ARV1: variants seen among roughly 807,000 people sequenced by gnomAD.
ARV1 encodes the protein protein ARV1.
ARV1 carries 26 observed loss-of-function variants against 31.1 expected under a neutral mutation model. The ratio of observed to expected loss-of-function variants is 0.84; its 90% CI spans 0.61 to 1.16. The LOEUF is 1.16. Among genes scored for constraint, ARV1 ranks in the 50% most tolerant of loss-of-function variants. The pLI, the probability that ARV1 is intolerant of heterozygous loss-of-function variation, is 0.00. For missense variants in ARV1, 281 were observed against 324.9 expected, an observed-to-expected ratio of 0.86 and a Z score of 1.04; for synonymous variants, 117 against 123.2, an observed-to-expected ratio of 0.95 and a Z score of 0.34.
intron 1 of ARV1, among the ~76,000 whole-genome samples, chr1:230,986,668 A>ATTTTTTTTTTTTTTTTTT (rs1162209283): frequency 1.1e-4 from 7 of 62,352 alleles, no homozygotes; most frequent in Non-Finnish European, 1.6e-4. Flanking sequence ...TACTTTTCCT[A>ATTTTTTTTTTTTTTTTTT]TTTTTTTTTT....
chr1:230,979,476 T>A, intron 1 of ARV1, 197 bp downstream of exon 1: 1 of 605,260 alleles, frequency 1.7e-6, no homozygotes, highest in Non-Finnish European at 2.7e-6. Context: ...CATATTTGGG[T>A]GATATGACCT....
intron 5 of ARV1, among the ~76,000 whole-genome samples, chr1:230,999,006 C>T (rs1290368319): frequency 2.0e-5 from 3 of 152,316 alleles, no homozygotes; most frequent in Middle Eastern, 3.4e-3. Context: ...GCTTTTGGCT[C>T]CTGCTGAAAC....
In ARV1 at chr1:230,988,371, A is replaced by G. The variant is rs1046988281; in HGVS notation, c.226A>G (p.Ile76Val). ...ATATATCGAGTATGATCCTGTTATC[A>G]TCTTGATTAATGCTATATTGTGCAA... ...DKYIEYDPVI[I>V]LINAILCKAQ... Residue 76 changes from isoleucine to valine, a missense_variant, in exon 2 of 6, where the codon ATC becomes GTC. Coordinates refer to ENST00000310256, the MANE Select transcript of ARV1 (RefSeq NM_022786.3). The G allele has an allele frequency of 6.9e-6, 11 of 1,594,508 alleles. No homozygotes were observed. In the Admixed American group the frequency reaches 1.5e-4, roughly 22 times the overall value.
chr1:230,998,328 TG>T (rs1384170278), intron 5 of ARV1, among the ~76,000 whole-genome samples: 1 of 152,288 alleles, frequency 6.6e-6, no homozygotes, highest in African/African-American at 2.4e-5. Context: ...ACATCCTCCT[TG>T]CAAGTAGCGG....
chr1:230,986,666 CTATTTTTTTTTT>C (rs767230151), intron 1 of ARV1, among the ~76,000 whole-genome samples: 19,813 of 79,222 alleles, frequency 0.25, 4,084 homozygotes, highest in East Asian at 0.49. Flanking sequence ...AATACTTTTC[CTATTTTTTTTTT>C]TTTTTTTTTT....
intron 1 of ARV1, among the ~76,000 whole-genome samples, chr1:230,981,204 T>G (rs1678901963): frequency 6.6e-6 from 1 of 152,192 alleles, no homozygotes; most frequent in Non-Finnish European, 1.5e-5. Flanking sequence ...TCTTTCTGTC[T>G]GCATGCTTTC....
intron 1 of ARV1, among the ~76,000 whole-genome samples, chr1:230,980,172 T>C (rs1221212406): frequency 6.6e-6 from 1 of 152,146 alleles, no homozygotes; most frequent in Non-Finnish European, 1.5e-5. Context: ...CTCAAGTACT[T>C]TCCCTCTTTT....
chr1:230,980,699 T>C (rs1349026219), intron 1 of ARV1, among the ~76,000 whole-genome samples: 1 of 151,326 alleles, frequency 6.6e-6, no homozygotes, highest in East Asian at 1.9e-4. Context: ...TTCTTTACTG[T>C]ACTGTCTTCT....
At chr1:230,993,476 G>A (rs1462798848) in intron 3 of ARV1, among the ~76,000 whole-genome samples, 3 of 152,066 alleles carry the variant, frequency 2.0e-5, no homozygotes, top group Non-Finnish European at 4.4e-5. Flanking sequence ...TTTTTAAATG[G>A]GTTGGAATTC....
intron 3 of ARV1, 42 bp from the exon 4 acceptor site, chr1:230,995,718 G>A (rs1679341156): frequency 2.0e-6 from 3 of 1,470,786 alleles, no homozygotes; most frequent in Non-Finnish European, 2.8e-6. Context: ...GATATATTTT[G>A]GATGGGGACA....
intron 1 of ARV1, among the ~76,000 whole-genome samples, chr1:230,984,835 C>G (rs368140449): frequency 1.4e-5 from 2 of 140,032 alleles, no homozygotes; most frequent in Non-Finnish European, 3.2e-5. Context: ...ATGCCGGACA[C>G]GAACTCAAGG....
intron 4 of ARV1, 117 bp from the exon 5 acceptor site, chr1:230,997,004 G>A (rs1046875933): frequency 3.9e-6 from 5 of 1,270,248 alleles, no homozygotes; most frequent in Non-Finnish European, 4.4e-6. Flanking sequence ...AGATTAATAA[G>A]AACAAACATT....
At chr1:230,997,714 A>G (rs960488061) in intron 5 of ARV1, among the ~76,000 whole-genome samples, 1 of 151,924 alleles carries the variant, frequency 6.6e-6, no homozygotes, top group Non-Finnish European at 1.5e-5. Context: ...CCTGGAACCT[A>G]TAGGCTGTGT....
At chr1:230,990,482 T>C (rs1018015106) in intron 3 of ARV1, 16 of 494,994 alleles carry the variant, frequency 3.2e-5, no homozygotes, top group Non-Finnish European at 4.6e-5. Context: ...ATGGAAGTAG[T>C]TATGCTTATC....
At position 230,997,240 on chromosome 1, in the gene ARV1, A is replaced by G. The variant is rs368530211; in HGVS notation, c.793A>G (p.Ile265Val). 1.8e-5 allele frequency: 29 copies of G among 1,613,932 alleles called. No individual in the cohort carries two copies. Among genetic ancestry groups the G allele is most frequent in the Middle Eastern group, 1.6e-4 (1 of 6,084 alleles). The change falls in exon 5 of 6, where the codon ATC becomes GTC. Residue 265 changes from isoleucine to valine, a missense_variant. Physicochemically the swap from Ile to Val is conservative, Grantham distance 29. Coordinates refer to ENST00000310256, the MANE Select transcript of ARV1 (RefSeq NM_022786.3). ...MEWDVGSDYA[I>V]FKSQDF The stretch of plus-strand genomic sequence containing the variant: ...ATGGGATGTTGGAAGTGATTATGCC[A>G]TCTTTAAATCTCAGGACTTCTGAAG...
rs140093485 is a variant in ARV1, at chr1:230,988,268, A to G, written c.175-52A>G. 9.1e-5 allele frequency: 138 copies of G among 1,521,566 alleles called. No individual in the cohort carries two copies. In the African/African-American group the frequency reaches 1.7e-3, roughly 19 times the overall value. The allele number at this position is 1,521,566 out of a possible 1,614,324, so 94.3% of individuals were successfully genotyped here. On this transcript the variant is annotated intron_variant, in intron 1 of 5. Coordinates refer to ENST00000310256, the MANE Select transcript of ARV1 (RefSeq NM_022786.3). The stretch of plus-strand genomic sequence containing the variant: ...CTCTGCTGTTTTGAAATCCTTGAGG[A>G]TTTCAGAAAGTATACATTTGCTTGT...
At chr1:230,979,609 C>T (rs898698221) in intron 1 of ARV1, 1 of 306,546 alleles carries the variant, frequency 3.3e-6, no homozygotes, top group Non-Finnish European at 6.1e-6. Context: ...AGCTCTTCTC[C>T]CTTTGACAGA....
At chr1:230,995,217 C>A (rs1349834979) in intron 3 of ARV1, among the ~76,000 whole-genome samples, 1 of 152,172 alleles carries the variant, frequency 6.6e-6, no homozygotes, top group Non-Finnish European at 1.5e-5. Flanking sequence ...TGAATACTTT[C>A]TGGAAGTGTA....
chr1:230,993,186 G>A (rs999290359), intron 3 of ARV1, among the ~76,000 whole-genome samples: 9 of 152,054 alleles, frequency 5.9e-5, no homozygotes, highest in African/African-American at 9.7e-5. Context: ...GAGCTCCTGG[G>A]CTCAAGGGAT....
Sources: allele counts gnomAD v4.1 joint callset (sites outside exome capture counted in the v4.1 genomes callset), GRCh38; gene constraint gnomAD v4.1.1; transcripts MANE v1.5; gene names NCBI Gene and HGNC (gene_info 2026-07-23, HGNC 2026-07-21).